Variants in STK38L observed in about 807,000 individuals in gnomAD.
STK38L encodes the protein serine/threonine kinase 38 like.
STK38L carries 28 observed loss-of-function variants against 59.7 expected under a neutral mutation model. The ratio of observed to expected loss-of-function variants is 0.47; its 90% CI spans 0.35 to 0.64. The LOEUF (loss-of-function observed/expected upper bound fraction) is 0.64. Among genes scored for constraint, STK38L ranks in the 30% least tolerant of loss-of-function variants. STK38L has a pLI of 0.01. For synonymous variants in STK38L, 162 were observed against 176.8 expected (o/e 0.92, Z 0.66); for missense variants, 314 against 555.8 (o/e 0.56, Z 4.37).
At chr12:27,260,331 A>G (rs1405358505) in intron 1 of STK38L, among the ~76,000 whole-genome samples, 2 of 152,220 alleles carry the variant, frequency 1.3e-5, no homozygotes, top group Non-Finnish European at 2.9e-5. Context: ...CACTGTCTTC[A>G]GGGCAATAAT....
chr12:27,281,961 G>T (rs541377149), intron 1 of STK38L, among the ~76,000 whole-genome samples: 7 of 152,110 alleles, frequency 4.6e-5, no homozygotes, highest in African/African-American at 1.7e-4. Flanking sequence ...GCTTTAACCC[G>T]GGAGGCTGAG....
intron 6 of STK38L, among the ~76,000 whole-genome samples, chr12:27,313,161 T>C (rs796196465): frequency 1.8e-4 from 26 of 147,482 alleles, no homozygotes; most frequent in African/African-American, 5.8e-4. Flanking sequence ...GGCAGGAGAA[T>C]GGTGTGAACC....
At chr12:27,247,025 A>G (rs1217599191) in intron 1 of STK38L, among the ~76,000 whole-genome samples, 1 of 152,202 alleles carries the variant, frequency 6.6e-6, no homozygotes, top group African/African-American at 2.4e-5. Context: ...GGGAGGGATT[A>G]AGTGCTGCTA....
intron 1 of STK38L, chr12:27,297,030 G>C (rs1944041992): frequency 6.6e-6 from 1 of 152,188 alleles, no homozygotes; most frequent in Non-Finnish European, 1.5e-5. Flanking sequence ...GTTCCTATAG[G>C]CATCTGAATT....
intron 1 of STK38L, among the ~76,000 whole-genome samples, chr12:27,282,174 T>G (rs968395729): frequency 6.6e-6 from 1 of 152,238 alleles, no homozygotes. Flanking sequence ...TCTACTTACA[T>G]TCTCAACTTT....
chr12:27,255,157 G>C (rs754617835), intron 1 of STK38L, among the ~76,000 whole-genome samples: 10 of 152,148 alleles, frequency 6.6e-5, no homozygotes, highest in Non-Finnish European at 1.2e-4. Context: ...CCATTGTATA[G>C]CCCAATTCAG....
In STK38L at chr12:27,325,387, T is replaced by TTTAG. The variant is rs1276560733; in HGVS notation, c.*2932_*2933insTTAG. 6.6e-6 allele frequency: 1 copy of TTTAG among 152,184 alleles called. No individual in the cohort carries two copies. The highest frequency in any genetic ancestry group is 2.4e-5 in the African/African-American group (1 of 41,450). The allele number at this position is 152,184 out of a possible 1,614,324, so 9.4% of individuals were successfully genotyped here. A position where few individuals can be genotyped will look rare whatever the true frequency, so the allele number is the denominator to read the frequency against. ...ATCTCTAAATTTAAAATATTTTAAG[T>TTTAG]ACATTTATTTTTGGTGTTTTATTGT... On this transcript the variant is annotated 3_prime_UTR_variant, in exon 14 of 14. Coordinates refer to ENST00000389032, the MANE Select transcript of STK38L (RefSeq NM_015000.4).
chr12:27,324,309 CATA>C lies in STK38L; in HGVS notation c.*1858_*1860del, dbSNP rs1415819646. 1 of 152,006 alleles carries C rather than the reference CATA, an allele frequency of 6.6e-6. No homozygotes were observed. The highest frequency in any genetic ancestry group is 2.4e-5 in the African/African-American group (1 of 41,392). 9.4% of individuals were successfully genotyped at this position (152,006 alleles called of 1,614,324 possible). On this transcript the variant is annotated 3_prime_UTR_variant, in exon 14 of 14. Transcript: ENST00000389032. ...TCTAATTATAACTGCCTTTAATTAA[CATA>C]ATATTAACTTTTGCTGAGGTTTATG...
chr12:27,319,276 A>C, intron 11 of STK38L, 52 bp from the exon 12 acceptor site: 1 of 1,179,024 alleles, frequency 8.5e-7, no homozygotes, highest in Non-Finnish European at 1.2e-6. Flanking sequence ...ATGCAGCTAG[A>C]ATACTTTAGA....
chr12:27,307,120 A>T (rs1447782084), intron 3 of STK38L, among the ~76,000 whole-genome samples: 1 of 152,166 alleles, frequency 6.6e-6, no homozygotes, highest in Non-Finnish European at 1.5e-5. Flanking sequence ...TCAATATCAG[A>T]TGTGGAAAAA....
chr12:27,307,522 T>A (rs931696482), intron 3 of STK38L, among the ~76,000 whole-genome samples: 2 of 152,216 alleles, frequency 1.3e-5, no homozygotes, highest in Non-Finnish European at 2.9e-5. Context: ...TTGGCAGGAT[T>A]CAGTTGAAGA....
At chr12:27,319,579 A>C (rs1944673870) in intron 12 of STK38L, among the ~76,000 whole-genome samples, 156 bp downstream of exon 12, 2 of 152,246 alleles carry the variant, frequency 1.3e-5, no homozygotes, top group African/African-American at 4.8e-5. Flanking sequence ...GAGTGGGACT[A>C]TTGTGGCTAC....
intron 1 of STK38L, among the ~76,000 whole-genome samples, chr12:27,297,363 T>A (rs1230942493): frequency 6.6e-6 from 1 of 152,224 alleles, no homozygotes; most frequent in East Asian, 1.9e-4. Context: ...TCTTATAGAT[T>A]TTATTTAGTA....
chr12:27,259,983 A>G (rs1054248502), intron 1 of STK38L, among the ~76,000 whole-genome samples: 11 of 152,026 alleles, frequency 7.2e-5, no homozygotes, highest in Admixed American at 2.0e-4. Context: ...TATAGCCAGA[A>G]CTCTGTTTCT....
In STK38L at chr12:27,308,366, C is replaced by T. The variant is rs773060776; in HGVS notation, c.214C>T (p.Arg72Cys). 9 of 1,593,198 alleles carry T rather than the reference C, an allele frequency of 5.6e-6. No homozygotes were observed. In the South Asian group the frequency reaches 7.9e-5, roughly 14 times the overall value. Residue 72 changes from arginine to cysteine, a missense_variant, in exon 4 of 14, where the codon CGC becomes TGC. Transcript: ENST00000389032. This position sits in a 1 kb window ranked among gnomAD's most constrained non-coding sequence, Gnocchi z 4.5. ...AAAGTTACGTCGATCACAACACGCT[C>T]GCAAAGAAACAGAGTTCTTACGGCT... ...EKKLRRSQHA[R>C]KETEFLRLKR... is the part of the protein sequence containing the mutation.
rs1944822594 is a variant in STK38L at position 27,325,690 on chromosome 12, A to G, written c.*3235A>G. ...TTAATGAAACAAACGCTTAGAACAA[A>G]TATAAATATGAGACACTTGGGACTA... On this transcript the variant is annotated 3_prime_UTR_variant, in exon 14 of 14. Coordinates refer to ENST00000389032, the MANE Select transcript of STK38L (RefSeq NM_015000.4). 6.6e-6 allele frequency: 1 copy of G among 152,228 alleles called. No individual in the cohort carries two copies. Among genetic ancestry groups the G allele is most frequent in the Non-Finnish European group, 1.5e-5 (1 of 68,034 alleles). The allele number at this position is 152,228 out of a possible 1,614,324, so 9.4% of individuals were successfully genotyped here. A position where few individuals can be genotyped will look rare whatever the true frequency, so the allele number is the denominator to read the frequency against.
intron 1 of STK38L, among the ~76,000 whole-genome samples, chr12:27,266,258 G>A (rs1943298774): frequency 6.6e-6 from 1 of 152,158 alleles, no homozygotes; most frequent in Admixed American, 6.5e-5. Context: ...AGTAATAAAA[G>A]CACATTATGA....
At chr12:27,311,654 C>T (rs1944456292) in intron 5 of STK38L, among the ~76,000 whole-genome samples, 1 of 152,096 alleles carries the variant, frequency 6.6e-6, no homozygotes, top group Non-Finnish European at 1.5e-5. Flanking sequence ...TCCGAGAAAT[C>T]AGTGGCAAAA....
At chr12:27,303,624 A>AGT (rs373953480) in intron 3 of STK38L, among the ~76,000 whole-genome samples, 1 of 152,000 alleles carries the variant, frequency 6.6e-6, no homozygotes, top group Admixed American at 6.6e-5. Flanking sequence ...AGAGTGAGTG[A>AGT]GTGTGTGTGT....
Sources: gnomAD v4.1 joint callset for allele counts (sites outside exome capture counted in the v4.1 genomes callset) on GRCh38, gnomAD v4.1.1 for gene constraint, Gnocchi (gnomAD v3.1) non-coding constraint, MANE v1.5 for transcripts, NCBI Gene and HGNC (gene_info 2026-07-23, HGNC 2026-07-21) for gene names.